The following MICAL2 variants were observed in gnomAD, a reference collection of about 807,000 sequenced individuals.
The protein encoded by MICAL2 is [F-actin]-monooxygenase MICAL2.
MICAL2 carries 77 observed loss-of-function variants against 127.3 expected under a neutral mutation model. The ratio of observed to expected loss-of-function variants is 0.60; its 90% CI spans 0.50 to 0.73. The LOEUF (loss-of-function observed/expected upper bound fraction) is 0.73, where lower values mean the gene tolerates loss of function less well. Among genes scored for constraint, MICAL2 ranks in the 30% least tolerant of loss-of-function variants. MICAL2 has a pLI of 0.00. For synonymous variants in MICAL2, 570 were observed against 551.1 expected, an observed-to-expected ratio of 1.03 and a Z score of -0.48; for missense variants, 1,351 against 1,434.4, an observed-to-expected ratio of 0.94 and a Z score of 0.94.
At chr11:12,141,193 A>C (rs1292570584) in intron 2 of MICAL2, among the ~76,000 whole-genome samples, 1 of 152,188 alleles carries the variant, frequency 6.6e-6, no homozygotes, top group Non-Finnish European at 1.5e-5. Flanking sequence ...ATAGAGTAGA[A>C]ATAAGAGTGG....
At chr11:12,198,647 C>G (rs1007785119) in intron 3 of MICAL2, among the ~76,000 whole-genome samples, 1 of 152,200 alleles carries the variant, frequency 6.6e-6, no homozygotes, top group Non-Finnish European at 1.5e-5. Context: ...GTGCACTGCC[C>G]TGGGGAGCTG....
chr11:12,342,453 C>A (rs1938882450), intron 32 of MICAL2, among the ~76,000 whole-genome samples: 1 of 152,200 alleles, frequency 6.6e-6, no homozygotes, highest in South Asian at 2.1e-4. Context: ...TTTTAAGTTA[C>A]AAAATAAAGT....
intron 3 of MICAL2, among the ~76,000 whole-genome samples, chr11:12,180,770 T>TTC (rs1857361705): frequency 6.6e-6 from 1 of 150,590 alleles, no homozygotes; most frequent in African/African-American, 2.4e-5. Flanking sequence ...GTCCTAGACT[T>TTC]TAGTTGCTCA....
At chr11:12,255,066 G>C in intron 22 of MICAL2, 1 of 153,348 alleles carries the variant, frequency 6.5e-6, no homozygotes, top group Non-Finnish European at 1.5e-5. Context: ...TTACAGGCAT[G>C]CACCACCATG....
intron 32 of MICAL2, among the ~76,000 whole-genome samples, chr11:12,338,665 C>G (rs1331370947): frequency 4.6e-5 from 7 of 152,176 alleles, no homozygotes; most frequent in African/African-American, 1.7e-4. Flanking sequence ...GACAAAATCT[C>G]TCAACATTTG....
intron 2 of MICAL2, among the ~76,000 whole-genome samples, chr11:12,150,913 G>A (rs1211145147): frequency 6.6e-6 from 1 of 152,162 alleles, no homozygotes; most frequent in African/African-American, 2.4e-5. Flanking sequence ...GCTTGAGGTG[G>A]TAGGAGTTAT....
At chr11:12,206,244 G>T (rs1239878898) in intron 4 of MICAL2, among the ~76,000 whole-genome samples, 2 of 152,206 alleles carry the variant, frequency 1.3e-5, no homozygotes, top group East Asian at 3.9e-4. Context: ...GCCTTGTGGG[G>T]CCCTGGGCTG....
intron 2 of MICAL2, among the ~76,000 whole-genome samples, chr11:12,148,588 A>G (rs561712319): frequency 6.6e-6 from 1 of 152,284 alleles, no homozygotes; most frequent in East Asian, 1.9e-4. Context: ...CACTCTAGCC[A>G]CTACACACCC....
intron 3 of MICAL2, among the ~76,000 whole-genome samples, chr11:12,168,884 C>A (rs11022219): frequency 6.9e-6 from 1 of 145,606 alleles, no homozygotes; most frequent in Middle Eastern, 3.3e-3. Context: ...GAGGTCAAGG[C>A]GGCAGTGAGC....
At chr11:12,320,750 C>T (rs746430101) in intron 30 of MICAL2, among the ~76,000 whole-genome samples, 3 of 151,904 alleles carry the variant, frequency 2.0e-5, no homozygotes, top group South Asian at 4.2e-4. Context: ...GTTCCAACTC[C>T]CCATGGCCCA....
chr11:12,323,410 G>A (rs778078074), intron 30 of MICAL2, among the ~76,000 whole-genome samples: 65 of 152,006 alleles, frequency 4.3e-4, no homozygotes, highest in Non-Finnish European at 8.1e-4. Context: ...ACTATTTAAA[G>A]TTGTTAACTG....
chr11:12,323,073 C>G (rs1287646374), intron 30 of MICAL2, among the ~76,000 whole-genome samples: 1 of 152,272 alleles, frequency 6.6e-6, no homozygotes, highest in East Asian at 1.9e-4. Flanking sequence ...CCATTAGTCT[C>G]TGCTATTTCT....
chr11:12,307,370 C>T (rs1043394838), intron 29 of MICAL2, among the ~76,000 whole-genome samples: 1 of 152,134 alleles, frequency 6.6e-6, no homozygotes. Context: ...CTTTCCTAGT[C>T]AGTGGATTGT....
chr11:12,134,064 G>A (rs1050857333), intron 1 of MICAL2, among the ~76,000 whole-genome samples: 9 of 152,212 alleles, frequency 5.9e-5, no homozygotes, highest in East Asian at 1.9e-4. Flanking sequence ...TGACCTTGGC[G>A]AGTTAGTTAT....
At chr11:12,253,137 G>C (rs193207475) in intron 22 of MICAL2, 1 of 152,238 alleles carries the variant, frequency 6.6e-6, no homozygotes, top group Non-Finnish European at 1.5e-5. Flanking sequence ...TGCAGAAGGG[G>C]GTATGTATAA....
chr11:12,294,864 G>A (rs756228270), downstream of MICAL2: 1 of 1,475,804 alleles, frequency 6.8e-7, no homozygotes, highest in Non-Finnish European at 8.9e-7. Flanking sequence ...GCAGGTAAGT[G>A]GCTCTGTCCT....
At chr11:12,311,983 T>A in intron 29 of MICAL2, among the ~76,000 whole-genome samples, 1 of 151,758 alleles carries the variant, frequency 6.6e-6, no homozygotes. Context: ...CCAATGAATT[T>A]ATTCAACCTA....
rs926000166 is a variant in MICAL2, at chr11:12,236,982, T to C, written c.2064+737T>C. On this transcript the variant is annotated intron_variant, in intron 16 of 27. Transcript: ENST00000683283. Reference sequence around the variant, plus strand: ...CATGAGGGACGGTCTGTATAATACATTGATATCTGATTGATAGGAGGTAGA... The same window carrying C: ...CATGAGGGACGGTCTGTATAATACACTGATATCTGATTGATAGGAGGTAGA... Among the ~76,000 whole-genome samples, 6 of 152,178 alleles carry C rather than the reference T, an allele frequency of 3.9e-5. No homozygotes were observed. In the East Asian group the frequency reaches 7.7e-4, roughly 20 times the overall value.
At chr11:12,293,346 C>T (rs142924469), downstream of MICAL2, among the ~76,000 whole-genome samples, 6 of 152,144 alleles carry the variant, frequency 3.9e-5, no homozygotes, top group South Asian at 2.1e-4. Flanking sequence ...AGTACTGATT[C>T]GGGGGTTCCA....
Sources: gnomAD v4.1 joint callset for allele counts (sites outside exome capture counted in the v4.1 genomes callset) on GRCh38, gnomAD v4.1.1 for gene constraint, MANE v1.5 for transcripts, NCBI Gene and HGNC (gene_info 2026-07-23, HGNC 2026-07-21) for gene names.